The following KIF17 variants were observed in gnomAD, a reference collection of about 807,000 sequenced individuals.
KIF17 encodes kinesin family member 17.
A neutral mutation model predicts 96.8 loss-of-function variants in KIF17; 80 were observed. That is an observed-to-expected ratio of 0.83 (90% CI 0.69 to 1.00). The LOEUF (loss-of-function observed/expected upper bound fraction) is 1.00, where lower values mean the gene tolerates loss of function less well. KIF17 is among the 50% of genes least tolerant of loss of function. The pLI is 0.00. For synonymous variants in KIF17, 567 were observed against 587.5 expected, an observed-to-expected ratio of 0.97 and a Z score of 0.51; for missense variants, 1,280 against 1,372.9, an observed-to-expected ratio of 0.93 and a Z score of 1.07.
At chr1:20,684,368 G>C (rs2154535863) in intron 10 of KIF17, among the ~76,000 whole-genome samples, 1 of 152,376 alleles carries the variant, frequency 6.6e-6, no homozygotes, top group East Asian at 1.9e-4. Context: ...ATTAACGGAA[G>C]TGAGAACCGA....
rs1217362181 is a variant in KIF17, at chr1:20,699,895, G to A, written c.1124-1407C>T. On this transcript the variant is annotated intron_variant, in intron 5 of 14. Coordinates refer to ENST00000400463, the MANE Select transcript of KIF17 (RefSeq NM_001122819.3). This position sits in a 1 kb window ranked among gnomAD's most constrained non-coding sequence, Gnocchi z 4.3. The stretch of plus-strand genomic sequence containing the variant: ...CTTTGGCTGTGACTCTGGGTTGAAC[G>A]AGGCAGGTGTGCACAGGGCAGTCAC... 6.6e-6 allele frequency among the ~76,000 whole-genome samples: 1 copy of A among 152,170 alleles called. No homozygotes were observed. The highest frequency in any genetic ancestry group is 1.5e-5 in the Non-Finnish European group (1 of 68,030).
Position 20,687,276 on chromosome 1 carries a change from G to A in KIF17, c.1938+112C>T. 8.2e-7 allele frequency: 1 copy of A among 1,225,440 alleles called. No homozygotes were observed. Among genetic ancestry groups the A allele is most frequent in the Non-Finnish European group, 1.2e-6 (1 of 835,836 alleles). The allele number at this position is 1,225,440 out of a possible 1,614,324, so 75.9% of individuals were successfully genotyped here. A position where few individuals can be genotyped will look rare whatever the true frequency, so the allele number is the denominator to read the frequency against. On this transcript the variant is annotated intron_variant, in intron 8 of 14. Transcript: ENST00000400463. This position sits in a 1 kb window ranked among gnomAD's most constrained non-coding sequence, Gnocchi z 4.4. ...CCGCAGCAGACACAGTGGAGCCACGGCCTGAGTGTCGGAGGCCATGTGTGT... is the reference window on the plus strand; with the variant it reads ...CCGCAGCAGACACAGTGGAGCCACGACCTGAGTGTCGGAGGCCATGTGTGT...
At chr1:20,679,728 C>T (rs541555377) in intron 11 of KIF17, among the ~76,000 whole-genome samples, 7 of 152,178 alleles carry the variant, frequency 4.6e-5, no homozygotes, top group African/African-American at 1.2e-4. Context: ...ACTTCAGTCC[C>T]GCAACCAACC....
At position 20,685,920 on chromosome 1, in the gene KIF17, T is replaced by G; in HGVS notation, c.2019+126A>C. The G allele has an allele frequency of 1.2e-6, 1 of 809,246 alleles. No individual in the cohort carries two copies. Among genetic ancestry groups the G allele is most frequent in the Non-Finnish European group, 2.1e-6 (1 of 477,706 alleles). The allele number at this position is 809,246 out of a possible 1,614,324, so 50.1% of individuals were successfully genotyped here. ...CACGGGCCACAAGCCCGGGGAAGGC[T>G]GGAGTTGTTGTTCTCAGCTCATGGA... On this transcript the variant is annotated intron_variant, in intron 9 of 14. Transcript: ENST00000400463. The surrounding 1 kb of genome is among the most constrained non-coding windows in gnomAD (Gnocchi z 4.1).
rs978925985 is a variant in KIF17 at position 20,699,640 on chromosome 1, C to T, written c.1124-1152G>A. 5.9e-5 allele frequency among the ~76,000 whole-genome samples: 9 copies of T among 151,358 alleles called. No homozygotes were observed. The highest frequency in any genetic ancestry group is 2.1e-4 in the South Asian group (1 of 4,828). ...CATGAAGGAAGCAGCGAGGAGAGGG[C>T]GGGCACAGGAGGAGCTTGCTAGACA... On this transcript the variant is annotated intron_variant, in intron 5 of 14. Transcript: ENST00000400463. The surrounding 1 kb of genome is among the most constrained non-coding windows in gnomAD (Gnocchi z 4.3).
In KIF17 at chr1:20,671,921, C is replaced by G. The variant is rs1234469466; in HGVS notation, c.2722+17G>C. On this transcript the variant is annotated intron_variant, in intron 12 of 14. Transcript: ENST00000400463. Reference sequence around the variant, plus strand: ...TGAAGGAGGGAGGGGAGGGCAAGGGCCAGCCAAGCTCCTGACCTACTGGGA... The same window carrying G: ...TGAAGGAGGGAGGGGAGGGCAAGGGGCAGCCAAGCTCCTGACCTACTGGGA... The G allele has an allele frequency of 6.2e-6, 10 of 1,610,838 alleles. No individual in the cohort carries two copies. The highest frequency in any genetic ancestry group is 8.5e-6 in the Non-Finnish European group (10 of 1,179,284).
rs746199416 is a variant in KIF17, at chr1:20,666,227, G to A, written c.2895C>T (p.Ala965=). ...KRASQILSTD[A]RKSLTHHNSP... ...AGGGACACTCACTGAGGCTCTTCCT[G>A]GCGTCTGTGCTGAGGATCTGGCTGG... is the stretch of plus-strand genomic sequence containing the variant. The change falls in exon 14 of 15, where the codon GCC becomes GCT. Residue 965 remains alanine, a synonymous_variant. Transcript: ENST00000400463. 3.9e-5 allele frequency: 63 copies of A among 1,613,126 alleles called. 3 individuals are homozygous for A. In the South Asian group the frequency reaches 6.3e-4, roughly 16 times the overall value.
At chr1:20,705,059 C>T (rs2054318731) in intron 4 of KIF17, among the ~76,000 whole-genome samples, 160 bp from the exon 5 acceptor site, 1 of 152,240 alleles carries the variant, frequency 6.6e-6, no homozygotes, top group Non-Finnish European at 1.5e-5. Context: ...GTTCATCTTA[C>T]AGATGGGTAG....
At chr1:20,662,039 A>G (rs1204589472), downstream of KIF17, among the ~76,000 whole-genome samples, 1 of 152,198 alleles carries the variant, frequency 6.6e-6, no homozygotes, top group East Asian at 1.9e-4. Flanking sequence ...ACTAGCCGTT[A>G]CCCGGGCATT....
chr1:20,714,541 A>G (rs1369888140), intron 2 of KIF17, among the ~76,000 whole-genome samples: 1 of 151,982 alleles, frequency 6.6e-6, no homozygotes, highest in African/African-American at 2.4e-5. Flanking sequence ...TGACACCTGT[A>G]ATCCCAACAC....
At chr1:20,692,060 G>T (rs1451338820) in intron 6 of KIF17, among the ~76,000 whole-genome samples, 2 of 152,164 alleles carry the variant, frequency 1.3e-5, no homozygotes, top group Non-Finnish European at 2.9e-5. Context: ...CCCCTGCTTA[G>T]GATCTGCTAA....
intron 11 of KIF17, among the ~76,000 whole-genome samples, chr1:20,677,319 G>A (rs1488523608): frequency 6.6e-6 from 1 of 152,224 alleles, no homozygotes; most frequent in Admixed American, 6.5e-5. Flanking sequence ...TGGAGGAGAA[G>A]TTGGCATGTC....
chr1:20,696,011 C>T (rs1393568089), intron 6 of KIF17, among the ~76,000 whole-genome samples: 2 of 152,168 alleles, frequency 1.3e-5, no homozygotes, highest in African/African-American at 4.8e-5. Context: ...CATCCTCTTA[C>T]ATCCCTAAGA....
chr1:20,675,305 G>A (rs959253096), intron 11 of KIF17, among the ~76,000 whole-genome samples: 2 of 151,548 alleles, frequency 1.3e-5, no homozygotes, highest in African/African-American at 2.4e-5. Flanking sequence ...AAAATTAGCC[G>A]GGCATCTTGG....
intron 12 of KIF17, 71 bp from the exon 13 acceptor site, chr1:20,670,559 G>T: frequency 1.4e-6 from 2 of 1,441,048 alleles, no homozygotes; most frequent in South Asian, 1.1e-5. Context: ...ACAGGTGGAG[G>T]TGGGGGTCAG....
intron 13 of KIF17, 131 bp from the exon 14 acceptor site, chr1:20,666,462 A>T: frequency 1.3e-6 from 1 of 796,184 alleles, no homozygotes; most frequent in Non-Finnish European, 2.2e-6. Context: ...GGGCTGGAGC[A>T]GGCACTGCCC....
At chr1:20,684,497 A>G (rs1473113348) in intron 10 of KIF17, among the ~76,000 whole-genome samples, 2 of 152,186 alleles carry the variant, frequency 1.3e-5, no homozygotes, top group African/African-American at 2.4e-5. Flanking sequence ...TGGGTCTCAC[A>G]TTCAGGAGGG....
chr1:20,684,749 G>A, intron 10 of KIF17, 60 bp downstream of exon 10: 1 of 1,503,948 alleles, frequency 6.6e-7, no homozygotes, highest in South Asian at 1.2e-5. Flanking sequence ...CTCCATCCTG[G>A]AAGGCAGCCC....
chr1:20,672,401 G>T lies in KIF17; in HGVS notation c.2464-205C>A, dbSNP rs540883471. ...TCCTCTCACACCCACTGATCCTTCC[G>T]TCTATCCAATCACCCTGCTGTCTCT... On this transcript the variant is annotated intron_variant, in intron 11 of 14. Coordinates refer to ENST00000400463, the MANE Select transcript of KIF17 (RefSeq NM_001122819.3). This position sits in a 1 kb window ranked among gnomAD's most constrained non-coding sequence, Gnocchi z 4.3. 1.3e-5 allele frequency among the ~76,000 whole-genome samples: 2 copies of T among 151,902 alleles called. No individual in the cohort carries two copies. The highest frequency in any genetic ancestry group is 2.9e-5 in the Non-Finnish European group (2 of 68,002).
Sources: allele counts gnomAD v4.1 joint callset (sites outside exome capture counted in the v4.1 genomes callset), GRCh38; gene constraint gnomAD v4.1.1; non-coding constraint Gnocchi (gnomAD v3.1); transcripts MANE v1.5; gene names NCBI Gene and HGNC (gene_info 2026-07-23, HGNC 2026-07-21).